Variants in SGCE observed in about 807,000 individuals in gnomAD.
SGCE encodes the protein sarcoglycan epsilon, also known as epsilon-sarcoglycan.
Under a neutral mutation model 57.8 loss-of-function variants are expected in SGCE, and 26 were observed. The ratio of observed to expected loss-of-function variants is 0.45; its 90% CI spans 0.33 to 0.62. The LOEUF (loss-of-function observed/expected upper bound fraction) is 0.62, where lower values mean the gene tolerates loss of function less well. Among genes scored for constraint, SGCE ranks in the 20% least tolerant of loss-of-function variants. SGCE has a pLI of 0.02. For missense variants in SGCE, 468 were observed against 548.6 expected (o/e 0.85, Z 1.47); for synonymous variants, 183 against 189.5 (o/e 0.97, Z 0.28).
At chr7:94,600,615 C>G (rs1400187867) in intron 7 of SGCE, 31 bp downstream of exon 7, 1 of 1,487,776 alleles carries the variant, frequency 6.7e-7, no homozygotes. Context: ...AGCAGGATCT[C>G]TAATTATCTT....
chr7:94,585,553 C>A, intron 10 of SGCE, 38 bp from the exon 11 acceptor site: 1 of 1,417,774 alleles, frequency 7.1e-7, no homozygotes, highest in South Asian at 1.1e-5. Context: ...AGGAGTTAGT[C>A]AGGGCATGGA....
At chr7:94,643,819 T>C (rs1806707509) in intron 1 of SGCE, among the ~76,000 whole-genome samples, 1 of 152,198 alleles carries the variant, frequency 6.6e-6, no homozygotes, top group Admixed American at 6.5e-5. Flanking sequence ...TTAATTTTCA[T>C]TAGAAAAGGA....
At chr7:94,590,254 A>C (rs554067867) in intron 9 of SGCE, among the ~76,000 whole-genome samples, 2 of 152,156 alleles carry the variant, frequency 1.3e-5, no homozygotes, top group African/African-American at 4.8e-5. Flanking sequence ...AATGTTATTA[A>C]AATTTTTAAC....
chr7:94,617,783 C>G lies in SGCE; in HGVS notation c.662+975G>C, dbSNP rs1036034969. The G allele has an allele frequency of 8.7e-5, 6 of 68,872 alleles. No homozygotes were observed. In the East Asian group the frequency reaches 2.3e-3, roughly 27 times the overall value. 4.3% of individuals were successfully genotyped at this position (68,872 alleles called of 1,614,324 possible). On this transcript the variant is annotated intron_variant, in intron 5 of 10. Coordinates refer to ENST00000648936, the MANE Select transcript of SGCE (RefSeq NM_003919.3). The stretch of plus-strand genomic sequence containing the variant: ...TTTACAGCTCACTGTTTTTCCCCAT[C>G]TGCCTTTTACCTACCCACAGACTGC...
intron 9 of SGCE, among the ~76,000 whole-genome samples, chr7:94,596,341 TA>T (rs1188475680): frequency 6.6e-6 from 1 of 152,166 alleles, no homozygotes; most frequent in East Asian, 1.9e-4. Flanking sequence ...AGGGTTATCT[TA>T]AAATGACAGC....
chr7:94,601,978 A>G (rs555416583), intron 6 of SGCE, among the ~76,000 whole-genome samples: 1 of 152,178 alleles, frequency 6.6e-6, no homozygotes, highest in Non-Finnish European at 1.5e-5. Flanking sequence ...AAAATAAAAA[A>G]TAAAAATTCC....
chr7:94,598,527 G>A (rs1282884192), intron 9 of SGCE: 1 of 461,896 alleles, frequency 2.2e-6, no homozygotes, highest in Non-Finnish European at 3.9e-6. Context: ...TAATATCAGT[G>A]TCAATTTCTT....
chr7:94,613,199 T>C (rs1801328986), intron 5 of SGCE, among the ~76,000 whole-genome samples: 2 of 152,198 alleles, frequency 1.3e-5, no homozygotes. Flanking sequence ...AAAAGTATAT[T>C]TATGGCTTCT....
intron 9 of SGCE, among the ~76,000 whole-genome samples, chr7:94,595,245 A>G (rs1798222952): frequency 6.6e-6 from 1 of 152,224 alleles, no homozygotes; most frequent in Non-Finnish European, 1.5e-5. Context: ...GCCATTCATT[A>G]CATAACATTG....
intron 5 of SGCE, among the ~76,000 whole-genome samples, chr7:94,608,202 C>T (rs1010926453): frequency 1.3e-5 from 2 of 152,260 alleles, no homozygotes; most frequent in African/African-American, 4.8e-5. Flanking sequence ...ATTAGCTGGG[C>T]ATGGTGGCAC....
At chr7:94,588,087 A>G (rs1797147280) in intron 10 of SGCE, 1 of 1,230,316 alleles carries the variant, frequency 8.1e-7, no homozygotes, top group Non-Finnish European at 1.0e-6. Flanking sequence ...TCTACTCAGT[A>G]TAGAGATGAA....
chr7:94,595,707 A>G, intron 9 of SGCE, among the ~76,000 whole-genome samples: 1 of 152,118 alleles, frequency 6.6e-6, no homozygotes, highest in East Asian at 1.9e-4. Flanking sequence ...TTTTCTGGTA[A>G]AAAGTAAAAG....
intron 1 of SGCE, among the ~76,000 whole-genome samples, chr7:94,644,849 CA>C (rs1806849391): frequency 6.6e-6 from 1 of 152,106 alleles, no homozygotes; most frequent in African/African-American, 2.4e-5. Context: ...TTTCCTACAT[CA>C]AAACATTATT....
In SGCE at chr7:94,603,515, C is replaced by T. The variant is rs1024282207; in HGVS notation, c.663-63G>A. The T allele has an allele frequency of 6.7e-6, 10 of 1,491,006 alleles. No individual in the cohort carries two copies. The African/African-American group carries it at 1.4e-4, about 21-fold the overall frequency. The allele number at this position is 1,491,006 out of a possible 1,614,324, so 92.4% of individuals were successfully genotyped here. On this transcript the variant is annotated intron_variant, in intron 5 of 10. Coordinates refer to ENST00000648936, the MANE Select transcript of SGCE (RefSeq NM_003919.3). The stretch of plus-strand genomic sequence containing the variant: ...AAATTGAAAACACTAAAAAACAATC[C>T]ACCTTAAAAGCAGGATTTAGCCTTT...
At chr7:94,650,308 C>T (rs1807697595) in intron 1 of SGCE, among the ~76,000 whole-genome samples, 1 of 152,208 alleles carries the variant, frequency 6.6e-6, no homozygotes, top group Non-Finnish European at 1.5e-5. Context: ...GCTCCAGCAG[C>T]CAGCCTGCCC....
chr7:94,637,635 A>C (rs1805774054), intron 1 of SGCE, among the ~76,000 whole-genome samples: 1 of 152,154 alleles, frequency 6.6e-6, no homozygotes. Flanking sequence ...TTTCCCTGAG[A>C]ACAGCACCAT....
At chr7:94,622,580 G>A (rs1205189925) in intron 4 of SGCE, 3 of 150,564 alleles carry the variant, frequency 2.0e-5, no homozygotes, top group African/African-American at 7.4e-5. Flanking sequence ...AGTTAGCCGA[G>A]ATGGTGCCAT....
chr7:94,610,103 A>G (rs534474563), intron 5 of SGCE, among the ~76,000 whole-genome samples: 36 of 152,358 alleles, frequency 2.4e-4, no homozygotes, highest in Non-Finnish European at 4.3e-4. Context: ...ATAAGCAAAT[A>G]TGGAAAGGCT....
At chr7:94,628,608 T>C (rs189793139) in intron 2 of SGCE, 75 of 471,986 alleles carry the variant, frequency 1.6e-4, no homozygotes, top group Non-Finnish European at 1.7e-4. Context: ...CTTGGAAATA[T>C]ATTTTTGGTC....
Sources: gnomAD v4.1 joint callset for allele counts (sites outside exome capture counted in the v4.1 genomes callset) on GRCh38, gnomAD v4.1.1 for gene constraint, MANE v1.5 for transcripts, NCBI Gene and HGNC (gene_info 2026-07-23, HGNC 2026-07-21) for gene names.